Variants in KYNU observed in about 807,000 individuals in gnomAD.
The protein encoded by KYNU is L-kynurenine hydrolase.
Under a neutral mutation model 59.2 loss-of-function variants are expected in KYNU, and 54 were observed. The observed-to-expected ratio is 0.91, with a 90% CI of 0.73 to 1.14. The LOEUF (loss-of-function observed/expected upper bound fraction) is 1.14, where lower values mean the gene tolerates loss of function less well. KYNU is among the 50% of genes most tolerant of loss of function. The pLI is 0.00. For synonymous variants in KYNU, 177 were observed against 192.0 expected (o/e 0.92, Z 0.65); for missense variants, 567 against 554.4 (o/e 1.02, Z -0.23).
chr2:142,977,490 C>G (rs1031194697), intron 8 of KYNU, among the ~76,000 whole-genome samples: 1 of 151,510 alleles, frequency 6.6e-6, no homozygotes, highest in Non-Finnish European at 1.5e-5. Flanking sequence ...AAAACGTAAG[C>G]TTTGGTTCTG....
rs528409281 is a variant in KYNU, at chr2:143,004,625, A to AG, written c.902+18607dup. Among the ~76,000 whole-genome samples the AG allele has an allele frequency of 3.2e-3, 482 of 152,232 alleles. 2 individuals carry two copies. Among genetic ancestry groups the AG allele is most frequent in the Non-Finnish European group, 4.0e-3 (275 of 67,992 alleles). The stretch of plus-strand genomic sequence containing the variant: ...CTGAGGCAGGAGAATCACTTTAACC[A>AG]GGGAGGCGGAGGTTGCAGTGAGCCA... On this transcript the variant is annotated intron_variant, in intron 10 of 13. Transcript: ENST00000264170.
chr2:143,025,141 T>G (rs1686515633), intron 10 of KYNU, among the ~76,000 whole-genome samples: 1 of 152,184 alleles, frequency 6.6e-6, no homozygotes, highest in Non-Finnish European at 1.5e-5. Flanking sequence ...ACATTTTTAC[T>G]TGGCTTTTTC....
intron 12 of KYNU, among the ~76,000 whole-genome samples, chr2:143,035,469 G>A (rs1284414193): frequency 1.3e-5 from 2 of 152,174 alleles, no homozygotes; most frequent in Admixed American, 6.5e-5. Flanking sequence ...ACAAACTAAT[G>A]CATTGAATTG....
intron 8 of KYNU, among the ~76,000 whole-genome samples, chr2:142,969,246 A>C (rs544637005): frequency 6.6e-6 from 1 of 152,318 alleles, no homozygotes; most frequent in South Asian, 2.1e-4. Context: ...GTACGTGTAT[A>C]TATATACTTG....
intron 8 of KYNU, among the ~76,000 whole-genome samples, chr2:142,972,179 C>A (rs549979213): frequency 1.3e-5 from 2 of 152,224 alleles, no homozygotes; most frequent in South Asian, 4.1e-4. Flanking sequence ...TAAAAAGAAA[C>A]AGCTGAAATT....
In KYNU at chr2:142,978,815, A is replaced by T. The variant is rs981484783; in HGVS notation, c.730-6269A>T. On this transcript the variant is annotated intron_variant, in intron 8 of 13. Transcript: ENST00000264170. ...TTATCTTGTATAAGTACTATTTTTC[A>T]TACCAAATTTGCTAATTATTAAGAG... Among the ~76,000 whole-genome samples, 4 of 152,180 alleles carry T rather than the reference A, an allele frequency of 2.6e-5. 1 individual carries two copies. Among genetic ancestry groups the T allele is most frequent in the Admixed American group, 6.6e-5 (1 of 15,260 alleles).
intron 5 of KYNU, among the ~76,000 whole-genome samples, chr2:142,955,954 G>A (rs182431948): frequency 3.3e-5 from 5 of 152,100 alleles, no homozygotes; most frequent in South Asian, 4.2e-4. Flanking sequence ...TTGAGGATTC[G>A]TTATCACATT....
intron 10 of KYNU, among the ~76,000 whole-genome samples, chr2:143,020,244 CT>C (rs937658119): frequency 1.3e-4 from 19 of 151,922 alleles, no homozygotes; most frequent in Admixed American, 3.9e-4. Context: ...CTACTTTCTA[CT>C]TTTTTGATGT....
chr2:142,893,273 A>G (rs1196925778), intron 2 of KYNU, among the ~76,000 whole-genome samples: 1 of 152,148 alleles, frequency 6.6e-6, no homozygotes, highest in Non-Finnish European at 1.5e-5. Flanking sequence ...GGCATTGACA[A>G]AGAAAGAACT....
chr2:142,973,045 A>C (rs1684778606), intron 8 of KYNU, among the ~76,000 whole-genome samples: 1 of 149,392 alleles, frequency 6.7e-6, no homozygotes, highest in African/African-American at 2.4e-5. Context: ...CACACACACA[A>C]ATCATATATA....
In KYNU at chr2:142,927,745, A is replaced by G; in HGVS notation, c.373+4A>G. ...GGCCTTATGAAGGACATTGTAGGTA[A>G]GTACAAAACACTGAAGTTTTTCCAA... On this transcript the variant is annotated splice_donor_region_variant and intron_variant, in intron 4 of 13. Coordinates refer to ENST00000264170, the MANE Select transcript of KYNU (RefSeq NM_003937.3). The G allele has an allele frequency of 6.3e-7, 1 of 1,590,190 alleles. No individual in the cohort carries two copies. Among genetic ancestry groups the G allele is most frequent in the Non-Finnish European group, 8.6e-7 (1 of 1,158,356 alleles).
chr2:143,041,967 T>C, intron 13 of KYNU, 80 bp from the exon 14 acceptor site: 2 of 1,455,196 alleles, frequency 1.4e-6, no homozygotes, highest in Non-Finnish European at 1.9e-6. Context: ...TGAAAGTGCT[T>C]TACATAAGTT....
chr2:143,039,039 C>G (rs919957952), intron 12 of KYNU, among the ~76,000 whole-genome samples: 17 of 152,044 alleles, frequency 1.1e-4, no homozygotes, highest in African/African-American at 3.4e-4. Context: ...TGTTCTGACC[C>G]CTAATATTCC....
At chr2:143,017,898 C>T (rs1029442329) in intron 10 of KYNU, among the ~76,000 whole-genome samples, 1 of 151,960 alleles carries the variant, frequency 6.6e-6, no homozygotes, top group African/African-American at 2.4e-5. Flanking sequence ...GTATTTTGCC[C>T]ATATTTTAGT....
At chr2:142,994,793 T>C (rs1685498357) in intron 10 of KYNU, among the ~76,000 whole-genome samples, 1 of 152,130 alleles carries the variant, frequency 6.6e-6, no homozygotes, top group African/African-American at 2.4e-5. Context: ...TTGTTGAATA[T>C]ATGGCTCTGT....
chr2:142,957,114 A>T (rs1684190627), intron 6 of KYNU, among the ~76,000 whole-genome samples: 1 of 152,156 alleles, frequency 6.6e-6, no homozygotes, highest in South Asian at 2.1e-4. Context: ...AGGGCAAGTA[A>T]TTATGTCAAA....
chr2:142,882,123 C>T (rs1681323441), intron 1 of KYNU, among the ~76,000 whole-genome samples: 1 of 151,922 alleles, frequency 6.6e-6, no homozygotes, highest in South Asian at 2.1e-4. Context: ...TCATATTTCA[C>T]ATATTTGCCC....
intron 10 of KYNU, among the ~76,000 whole-genome samples, chr2:142,987,679 T>C (rs1330265312): frequency 6.6e-6 from 1 of 151,872 alleles, no homozygotes; most frequent in Non-Finnish European, 1.5e-5. Context: ...TAAGCAGTTA[T>C]TGTGAGAATA....
At chr2:142,997,311 T>C (rs1685572087) in intron 10 of KYNU, among the ~76,000 whole-genome samples, 3 of 152,126 alleles carry the variant, frequency 2.0e-5, no homozygotes, top group Admixed American at 1.3e-4. Flanking sequence ...AGTAACATAC[T>C]TCAGATTAGG....
Sources: allele counts gnomAD v4.1 joint callset (sites outside exome capture counted in the v4.1 genomes callset), GRCh38; gene constraint gnomAD v4.1.1; transcripts MANE v1.5; gene names NCBI Gene and HGNC (gene_info 2026-07-23, HGNC 2026-07-21).